Variants in AKR1C8 observed in about 807,000 individuals in gnomAD.
AKR1C8 encodes aldo-keto reductase family 1 member C-like protein 1.
the AKR1C8 span, among the ~76,000 whole-genome samples, chr10:5,124,858 A>C: frequency 1.3e-5 from 2 of 152,174 alleles, no homozygotes; most frequent in African/African-American, 2.4e-5. Context: ...CTGTCATTTC[A>C]TGCTGCCTAC....
chr10:5,140,448 C>A, the AKR1C8 span, among the ~76,000 whole-genome samples: 2 of 152,028 alleles, frequency 1.3e-5, no homozygotes, highest in Non-Finnish European at 2.9e-5. Flanking sequence ...ACATATACAC[C>A]ATGGAATACT....
chr10:5,182,062 G>C, the AKR1C8 span, among the ~76,000 whole-genome samples: 1 of 151,848 alleles, frequency 6.6e-6, no homozygotes, highest in Non-Finnish European at 1.5e-5. Flanking sequence ...GTTTTTTTCA[G>C]AGTCAAAAAA....
the AKR1C8 span, among the ~76,000 whole-genome samples, chr10:5,137,782 G>C: frequency 6.6e-6 from 1 of 152,060 alleles, no homozygotes; most frequent in South Asian, 2.1e-4. Flanking sequence ...TTACAACTGG[G>C]CCGCCAGGGG....
the AKR1C8 span, among the ~76,000 whole-genome samples, chr10:5,141,092 A>C: frequency 6.6e-6 from 1 of 152,134 alleles, no homozygotes; most frequent in South Asian, 2.1e-4. Flanking sequence ...TGCTTTATCA[A>C]CTATCTTTTC....
chr10:5,166,420 G>A, the AKR1C8 span, among the ~76,000 whole-genome samples: 4 of 152,172 alleles, frequency 2.6e-5, no homozygotes, highest in Admixed American at 2.0e-4. Flanking sequence ...AAACAGCATG[G>A]TACTGGTACC....
chr10:5,156,525 GATCTATCTATCT>G, the AKR1C8 span, among the ~76,000 whole-genome samples: 1 of 140,934 alleles, frequency 7.1e-6, no homozygotes, highest in Non-Finnish European at 1.6e-5. Flanking sequence ...GAAAGACTCA[GATCTATCTATCT>G]ATCTATCTAT....
At chr10:5,164,183 A>G in the AKR1C8 span, among the ~76,000 whole-genome samples, 5 of 151,754 alleles carry the variant, frequency 3.3e-5, no homozygotes, top group Non-Finnish European at 7.4e-5. Context: ...CTTTCACTTC[A>G]GTCTCTGATT....
At chr10:5,159,629 G>A in the AKR1C8 span, among the ~76,000 whole-genome samples, 2 of 151,972 alleles carry the variant, frequency 1.3e-5, no homozygotes, top group Non-Finnish European at 2.9e-5. Context: ...GGACCATCCC[G>A]AGCTCCAGAC....
chr10:5,156,664 TGA>T, the AKR1C8 span, among the ~76,000 whole-genome samples: 2 of 152,190 alleles, frequency 1.3e-5, no homozygotes, highest in African/African-American at 4.8e-5. Flanking sequence ...ATGGTTGTCA[TGA>T]GAGCAGGTAT....
At chr10:5,149,168 T>A in the AKR1C8 span, among the ~76,000 whole-genome samples, 1 of 152,116 alleles carries the variant, frequency 6.6e-6, no homozygotes, top group African/African-American at 2.4e-5. Flanking sequence ...AATTTAGGAT[T>A]CAGACCAGAT....
the AKR1C8 span, among the ~76,000 whole-genome samples, chr10:5,174,038 T>C: frequency 6.6e-6 from 1 of 152,104 alleles, no homozygotes; most frequent in Non-Finnish European, 1.5e-5. Flanking sequence ...TCTGTTTTCC[T>C]TGTGGAACCT....
the AKR1C8 span, among the ~76,000 whole-genome samples, chr10:5,140,447 C>A: frequency 2.6e-5 from 4 of 152,112 alleles, no homozygotes; most frequent in East Asian, 1.9e-4. Flanking sequence ...CACATATACA[C>A]CATGGAATAC....
the AKR1C8 span, among the ~76,000 whole-genome samples, chr10:5,151,673 C>T: frequency 6.6e-6 from 1 of 151,482 alleles, no homozygotes; most frequent in African/African-American, 2.4e-5. Context: ...TCTCCTACCT[C>T]AGCCTCCTAA....
the AKR1C8 span, among the ~76,000 whole-genome samples, chr10:5,139,204 T>C: frequency 6.6e-6 from 1 of 152,110 alleles, no homozygotes; most frequent in Non-Finnish European, 1.5e-5. Context: ...AGAATCAATA[T>C]GGTGAAAATG....
the AKR1C8 span, chr10:5,122,182 A>C: frequency 2.4e-5 from 9 of 381,408 alleles, no homozygotes; most frequent in Non-Finnish European, 4.9e-5. Context: ...AAGGCAGGCG[A>C]TACTCACATT....
the AKR1C8 span, among the ~76,000 whole-genome samples, chr10:5,179,993 C>G: frequency 2.9e-4 from 44 of 152,328 alleles, no homozygotes; most frequent in African/African-American, 9.9e-4. Context: ...CATTCTCCAT[C>G]CAGCTTTGTT....
At chr10:5,123,172 C>A in the AKR1C8 span, 1 of 160,912 alleles carries the variant, frequency 6.2e-6, no homozygotes. Context: ...AGGAAATAAC[C>A]AGGAAATGGA....
chr10:5,161,831 A>G, the AKR1C8 span: 1 of 534,722 alleles, frequency 1.9e-6, no homozygotes, highest in Non-Finnish European at 3.8e-6. Flanking sequence ...AGTCTTGGGC[A>G]TAACAAGGAA....
the AKR1C8 span, among the ~76,000 whole-genome samples, chr10:5,135,907 C>A: frequency 6.6e-6 from 1 of 151,970 alleles, no homozygotes; most frequent in Non-Finnish European, 1.5e-5. Flanking sequence ...AATATTCATT[C>A]CTGATGAAAA....
Sources: gnomAD v4.1 joint callset for allele counts (sites outside exome capture counted in the v4.1 genomes callset) on GRCh38, gnomAD v4.1.1 for gene constraint, MANE v1.5 for transcripts, NCBI Gene and HGNC (gene_info 2026-07-23, HGNC 2026-07-21) for gene names.